MYO18B: variants seen among roughly 807,000 people sequenced by gnomAD.
MYO18B encodes the protein unconventional myosin-XVIIIb.
Under a neutral mutation model 273.0 loss-of-function variants are expected in MYO18B, and 204 were observed. The observed-to-expected ratio is 0.75, with a 90% confidence interval of 0.67 to 0.84. The LOEUF is 0.84. Among genes scored for constraint, MYO18B ranks in the 40% least tolerant of loss-of-function variants. The pLI, the probability that MYO18B is intolerant of heterozygous loss-of-function variation, is 0.00. For synonymous variants in MYO18B, 1,330 were observed against 1,305.7 expected, an observed-to-expected ratio of 1.02 and a Z score of -0.40; for missense variants, 3,212 against 3,287.6, an observed-to-expected ratio of 0.98 and a Z score of 0.56.
chr22:25,916,574 G>A (rs1490252739), intron 33 of MYO18B, among the ~76,000 whole-genome samples: 1 of 152,096 alleles, frequency 6.6e-6, no homozygotes, highest in African/African-American at 2.4e-5. Flanking sequence ...TCTAGAACTT[G>A]AGTTTCAAGT....
At chr22:25,823,442 G>A (rs868083516) in intron 12 of MYO18B, 63 bp from the exon 13 acceptor site, 96 of 1,530,478 alleles carry the variant, frequency 6.3e-5, no homozygotes, top group East Asian at 5.8e-4. Flanking sequence ...AGGTCCTCTC[G>A]GGTGTTCATT....
At chr22:25,975,386 A>G (rs1430134417) in intron 39 of MYO18B, among the ~76,000 whole-genome samples, 1 of 152,166 alleles carries the variant, frequency 6.6e-6, no homozygotes, top group Non-Finnish European at 1.5e-5. Context: ...CCGGCATCCT[A>G]ATATCATATA....
intron 21 of MYO18B, among the ~76,000 whole-genome samples, chr22:25,858,706 A>G (rs918907060): frequency 1.3e-5 from 2 of 152,232 alleles, no homozygotes; most frequent in Non-Finnish European, 2.9e-5. Context: ...GACACAGGCT[A>G]TCGGAATTTT....
chr22:25,938,224 T>C (rs1432581887), intron 34 of MYO18B, among the ~76,000 whole-genome samples: 1 of 152,222 alleles, frequency 6.6e-6, no homozygotes, highest in East Asian at 1.9e-4. Flanking sequence ...ACTCATCTAG[T>C]AGCTTAACAA....
At chr22:25,827,185 A>G (rs1229336489) in intron 14 of MYO18B, among the ~76,000 whole-genome samples, 1 of 152,230 alleles carries the variant, frequency 6.6e-6, no homozygotes. Context: ...CCTGCTTTGC[A>G]TCATTGAATA....
At chr22:25,914,918 C>G (rs12165370) in intron 33 of MYO18B, among the ~76,000 whole-genome samples, 4,146 of 151,516 alleles carry the variant, frequency 0.027, 187 homozygotes, top group African/African-American at 0.094. Flanking sequence ...AGGATGGTCT[C>G]TGTCTCCTGA....
intron 39 of MYO18B, among the ~76,000 whole-genome samples, chr22:25,959,578 T>C (rs1054922133): frequency 1.3e-5 from 2 of 152,206 alleles, no homozygotes; most frequent in African/African-American, 2.4e-5. Flanking sequence ...CTGGCCTGTC[T>C]TCATTTTTAG....
chr22:25,770,965 A>G lies in MYO18B; in HGVS notation c.1673A>G (p.Asp558Gly), dbSNP rs1400159845. ...GCTGACAAAACCATCACTGAGGTGGATGAGGAGCATGTCCATCGGGTGAGT... is the reference window on the plus strand; with the variant it reads ...GCTGACAAAACCATCACTGAGGTGGGTGAGGAGCATGTCCATCGGGTGAGT... ...IDADKTITEV[D>G]EEHVHRANPP... Residue 558 changes from aspartate (D) to glycine (G), a missense_variant, in exon 6 of 44, where the codon GAT becomes GGT. Physicochemically the swap from Asp to Gly is moderately conservative, Grantham distance 94. Transcript: ENST00000335473. The G allele has an allele frequency of 1.3e-6, 2 of 1,552,142 alleles. No homozygotes were observed. The highest frequency in any genetic ancestry group is 2.4e-5 in the South Asian group (2 of 84,064).
intron 39 of MYO18B, among the ~76,000 whole-genome samples, chr22:25,969,408 A>G (rs2093012712): frequency 6.6e-6 from 1 of 152,240 alleles, no homozygotes; most frequent in Non-Finnish European, 1.5e-5. Flanking sequence ...AGGCAGCACC[A>G]TAAAATACAG....
intron 39 of MYO18B, among the ~76,000 whole-genome samples, chr22:25,957,541 G>A (rs372721068): frequency 1.3e-5 from 2 of 152,214 alleles, no homozygotes; most frequent in Admixed American, 6.5e-5. Context: ...AGGAGTGTTC[G>A]TTTCCTAGGA....
chr22:25,890,769 C>T lies in MYO18B; in HGVS notation c.4328C>T (p.Thr1443Ile), dbSNP rs1241592980. ...TCCCCATCTCAGATTGCTGACTTGA[C>T]CTCTGACCTTGCCGATGAGCGCTTC... ...DLLESKIADL[T>I]SDLADERFKG... is the part of the protein sequence containing the mutation. The change falls in exon 26 of 44, where the codon ACC becomes ATC. Residue 1443 changes from threonine (T) to isoleucine (I), a missense_variant. Transcript: ENST00000335473. The T allele has an allele frequency of 6.2e-7, 1 of 1,613,964 alleles. No individual in the cohort carries two copies. Among genetic ancestry groups the T allele is most frequent in the African/African-American group, 1.3e-5 (1 of 75,032 alleles).
chr22:25,882,666 A>G (rs1229609611), intron 25 of MYO18B, among the ~76,000 whole-genome samples: 2 of 152,158 alleles, frequency 1.3e-5, no homozygotes, highest in African/African-American at 4.8e-5. Context: ...ATCTTCCTCA[A>G]ATCTTTCTCT....
At chr22:25,835,498 C>T in intron 17 of MYO18B, 55 bp downstream of exon 17, 2 of 1,604,002 alleles carry the variant, frequency 1.2e-6, no homozygotes, top group Non-Finnish European at 1.7e-6. Flanking sequence ...GTATTAGAAT[C>T]TGTTCTTCTC....
In MYO18B at chr22:25,764,273, A is replaced by G. The variant is rs138214204; in HGVS notation, c.198+884A>G. Among the ~76,000 whole-genome samples the G allele has an allele frequency of 2.1e-3, 313 of 152,210 alleles. 3 individuals carry two copies. Among genetic ancestry groups the G allele is most frequent in the African/African-American group, 7.1e-3 (296 of 41,526 alleles). ...CTTGTCGCTGGTGGTGGCCAGTGCT[A>G]TTTCTCTCTTGTCCTCTTTAGCCAT... On this transcript the variant is annotated intron_variant, in intron 3 of 43. Transcript: ENST00000335473.
intron 20 of MYO18B, among the ~76,000 whole-genome samples, chr22:25,850,168 G>A (rs2090382831): frequency 6.6e-6 from 1 of 152,188 alleles, no homozygotes; most frequent in South Asian, 2.1e-4. Context: ...GTTCTTCCTA[G>A]TTGATGCATC....
chr22:25,823,316 T>C (rs547591504), intron 12 of MYO18B, among the ~76,000 whole-genome samples, 189 bp from the exon 13 acceptor site: 7 of 152,166 alleles, frequency 4.6e-5, no homozygotes, highest in Non-Finnish European at 1.0e-4. Context: ...TAAGCAAGTC[T>C]CTTGGGAAAT....
chr22:25,931,044 GGA>G (rs1471713360), intron 34 of MYO18B, among the ~76,000 whole-genome samples: 2 of 152,152 alleles, frequency 1.3e-5, no homozygotes, highest in Non-Finnish European at 2.9e-5. Context: ...GACCCTGATG[GGA>G]GTCTTTTGTG....
rs568183180 is a variant in MYO18B, at chr22:25,809,273, C to CT, written c.2521+11177dup. Among the ~76,000 whole-genome samples, 421 of 152,212 alleles carry CT rather than the reference C, an allele frequency of 2.8e-3. 4 individuals are homozygous for CT. Among genetic ancestry groups the CT allele is most frequent in the African/African-American group, 9.8e-3 (408 of 41,534 alleles). ...TTAACCTTCTCTGATCCCTGTGGTC[C>CT]TGTAGCTGTAAGAGTTGATGTGCAT... On this transcript the variant is annotated intron_variant, in intron 12 of 43. Coordinates refer to ENST00000335473, the MANE Select transcript of MYO18B (RefSeq NM_032608.7).
At chr22:25,895,304 C>G (rs927109852) in intron 28 of MYO18B, 24 bp downstream of exon 28, 7 of 1,578,732 alleles carry the variant, frequency 4.4e-6, no homozygotes, top group Non-Finnish European at 6.0e-6. Context: ...ATAGTCTGGG[C>G]CACAGAAGTG....
Sources: allele counts gnomAD v4.1 joint callset (sites outside exome capture counted in the v4.1 genomes callset), GRCh38; gene constraint gnomAD v4.1.1; transcripts MANE v1.5; gene names NCBI Gene and HGNC (gene_info 2026-07-23, HGNC 2026-07-21).